The following TSPAN5 variants were observed in gnomAD, a reference collection of about 807,000 sequenced individuals.
The protein encoded by TSPAN5 is tetraspanin-5.
A neutral mutation model predicts 37.1 loss-of-function variants in TSPAN5; 10 were observed. That is an observed-to-expected ratio of 0.27 (90% CI 0.17 to 0.46). TSPAN5 has a LOEUF of 0.46. TSPAN5 is among the 20% of genes least tolerant of loss of function. The pLI is 1.00. For synonymous variants in TSPAN5, 110 were observed against 118.9 expected, an observed-to-expected ratio of 0.93 and a Z score of 0.48; for missense variants, 195 against 326.6, an observed-to-expected ratio of 0.60 and a Z score of 3.11.
chr4:98,619,176 A>G (rs1211899958), intron 1 of TSPAN5, among the ~76,000 whole-genome samples: 1 of 152,152 alleles, frequency 6.6e-6, no homozygotes, highest in Non-Finnish European at 1.5e-5. Context: ...GCCTATTTAA[A>G]CCTTAAATTT....
At chr4:98,562,351 G>A (rs1474634191) in intron 1 of TSPAN5, among the ~76,000 whole-genome samples, 2 of 152,106 alleles carry the variant, frequency 1.3e-5, no homozygotes, top group African/African-American at 2.4e-5. Context: ...AAGACAACAG[G>A]AGGAAAGCAG....
intron 1 of TSPAN5, among the ~76,000 whole-genome samples, chr4:98,532,813 T>C (rs1754126543): frequency 6.6e-6 from 1 of 152,226 alleles, no homozygotes; most frequent in Non-Finnish European, 1.5e-5. Context: ...TTCAGTATGA[T>C]ATTGGCTGTG....
chr4:98,567,106 GTC>G (rs909797894), intron 1 of TSPAN5, among the ~76,000 whole-genome samples: 1 of 152,200 alleles, frequency 6.6e-6, no homozygotes, highest in Non-Finnish European at 1.5e-5. Context: ...ATTTGAATAA[GTC>G]TCTCCATCCT....
intron 1 of TSPAN5, among the ~76,000 whole-genome samples, chr4:98,653,208 T>G (rs1347287307): frequency 6.6e-6 from 1 of 152,132 alleles, no homozygotes; most frequent in Non-Finnish European, 1.5e-5. Flanking sequence ...CAGAACATCT[T>G]GCAATTTATA....
intron 1 of TSPAN5, among the ~76,000 whole-genome samples, chr4:98,573,240 T>C (rs1755165625): frequency 6.6e-6 from 1 of 152,224 alleles, no homozygotes; most frequent in African/African-American, 2.4e-5. Flanking sequence ...GGGGCTCTTC[T>C]AGGAGACATT....
At chr4:98,580,858 C>A (rs1394409093) in intron 1 of TSPAN5, among the ~76,000 whole-genome samples, 3 of 141,968 alleles carry the variant, frequency 2.1e-5, no homozygotes, top group Non-Finnish European at 4.8e-5. Flanking sequence ...CTACAAAGGA[C>A]AAGGCTGACA....
chr4:98,549,743 TTTC>T (rs1754565062), intron 1 of TSPAN5, among the ~76,000 whole-genome samples: 1 of 152,194 alleles, frequency 6.6e-6, no homozygotes, highest in African/African-American at 2.4e-5. Context: ...TTGGGGTTTT[TTTC>T]TTGTTAAGTT....
intron 1 of TSPAN5, among the ~76,000 whole-genome samples, chr4:98,625,865 T>C (rs945343395): frequency 6.6e-6 from 1 of 152,210 alleles, no homozygotes; most frequent in Non-Finnish European, 1.5e-5. Context: ...ACTTTGCTTA[T>C]TAGATCTTTC....
chr4:98,507,662 A>T lies in TSPAN5; in HGVS notation c.132+16T>A. 1 of 1,601,836 alleles carries T rather than the reference A, an allele frequency of 6.2e-7. No individual in the cohort carries two copies. Among genetic ancestry groups the T allele is most frequent in the Non-Finnish European group, 8.5e-7 (1 of 1,172,258 alleles). On this transcript the variant is annotated intron_variant, in intron 2 of 7. Coordinates refer to ENST00000305798, the MANE Select transcript of TSPAN5 (RefSeq NM_005723.4). Reference sequence around the variant, plus strand: ...TAACAACCACGATGTGTGCATTGTCATGATATTCAACTTACTTTTTCATTC... The same window carrying T: ...TAACAACCACGATGTGTGCATTGTCTTGATATTCAACTTACTTTTTCATTC...
intron 1 of TSPAN5, among the ~76,000 whole-genome samples, chr4:98,611,423 T>C (rs1421854696): frequency 6.6e-6 from 1 of 152,158 alleles, no homozygotes; most frequent in Non-Finnish European, 1.5e-5. Flanking sequence ...TGAAACTATA[T>C]CCAGGCAGCA....
intron 1 of TSPAN5, among the ~76,000 whole-genome samples, chr4:98,588,726 A>G (rs1755555217): frequency 6.6e-6 from 1 of 152,256 alleles, no homozygotes; most frequent in African/African-American, 2.4e-5. Context: ...TCTGTCCTAA[A>G]AGAACTTCAC....
intron 1 of TSPAN5, among the ~76,000 whole-genome samples, chr4:98,612,962 T>G (rs114422453): frequency 0.016 from 2,460 of 152,320 alleles, 31 homozygotes; most frequent in Non-Finnish European, 0.027. Flanking sequence ...CCGTAGCACT[T>G]ATCACAATTT....
chr4:98,586,155 GAAAGTTCTTTA>G (rs1560547800), intron 1 of TSPAN5, among the ~76,000 whole-genome samples: 1 of 152,148 alleles, frequency 6.6e-6, no homozygotes, highest in Non-Finnish European at 1.5e-5. Context: ...AATGTACCAG[GAAAGTTCTTTA>G]AAAGCAGACT....
At chr4:98,649,086 T>A (rs901339505) in intron 1 of TSPAN5, among the ~76,000 whole-genome samples, 4 of 152,216 alleles carry the variant, frequency 2.6e-5, no homozygotes, top group African/African-American at 7.2e-5. Flanking sequence ...GTAATTTTTT[T>A]AAAAATGTAC....
chr4:98,600,551 GTTCCTCC>G (rs2110219669), intron 1 of TSPAN5, among the ~76,000 whole-genome samples: 1 of 152,234 alleles, frequency 6.6e-6, no homozygotes, highest in Non-Finnish European at 1.5e-5. Flanking sequence ...CACTTTCTTT[GTTCCTCC>G]ATAAGATGCA....
chr4:98,474,220 G>T (rs1402432638), intron 7 of TSPAN5, among the ~76,000 whole-genome samples: 1 of 152,070 alleles, frequency 6.6e-6, no homozygotes, highest in African/African-American at 2.4e-5. Flanking sequence ...TTTTACATAT[G>T]GTGTGAGTTA....
At chr4:98,629,709 A>G (rs1170378552) in intron 1 of TSPAN5, among the ~76,000 whole-genome samples, 2 of 152,220 alleles carry the variant, frequency 1.3e-5, no homozygotes, top group Non-Finnish European at 2.9e-5. Context: ...GATTTATCAA[A>G]ACAACTATCA....
chr4:98,612,998 G>A (rs1330325680), intron 1 of TSPAN5, among the ~76,000 whole-genome samples: 3 of 152,086 alleles, frequency 2.0e-5, no homozygotes, highest in Non-Finnish European at 2.9e-5. Context: ...TCCCCCTGCA[G>A]TGTTTATCAT....
intron 1 of TSPAN5, among the ~76,000 whole-genome samples, chr4:98,642,430 T>A (rs989692713): frequency 1.3e-5 from 2 of 152,234 alleles, no homozygotes; most frequent in East Asian, 1.9e-4. Context: ...AACCACAAAA[T>A]TTTTTTTCTG....
Sources: gnomAD v4.1 joint callset for allele counts (sites outside exome capture counted in the v4.1 genomes callset) on GRCh38, gnomAD v4.1.1 for gene constraint, MANE v1.5 for transcripts, NCBI Gene and HGNC (gene_info 2026-07-23, HGNC 2026-07-21) for gene names.